MAP4K4: variants seen among roughly 807,000 people sequenced by gnomAD.
MAP4K4 encodes mitogen-activated protein kinase kinase kinase kinase 4, also known as HPK/GCK-like kinase HGK.
Under a neutral mutation model 189.6 loss-of-function variants are expected in MAP4K4, and 38 were observed. The observed-to-expected ratio is 0.20, with a 90% CI of 0.15 to 0.26. MAP4K4 has a LOEUF of 0.26. Among genes scored for constraint, MAP4K4 ranks in the 10% least tolerant of loss-of-function variants. The probability of loss-of-function intolerance (pLI) is 1.00; values close to 1 mark genes in which losing one functional copy is unlikely to be tolerated. For synonymous variants in MAP4K4, 610 were observed against 624.3 expected (o/e 0.98, Z 0.34); for missense variants, 1,054 against 1,726.9 (o/e 0.61, Z 6.91).
chr2:101,835,013 C>T (rs932411802), intron 8 of MAP4K4, among the ~76,000 whole-genome samples: 12 of 152,076 alleles, frequency 7.9e-5, no homozygotes, highest in African/African-American at 2.4e-4. Flanking sequence ...TGCTGGTCCC[C>T]ATTAAAAAAG....
At chr2:101,810,278 T>G (rs891749460) in intron 3 of MAP4K4, among the ~76,000 whole-genome samples, 1 of 151,762 alleles carries the variant, frequency 6.6e-6, no homozygotes, top group African/African-American at 2.4e-5. Context: ...ATAGAGAAGA[T>G]TCCATAGTAC....
At chr2:101,892,628 T>G in exon 33 of MAP4K4, 1 of 307,366 alleles carries the variant, frequency 3.3e-6, no homozygotes, top group South Asian at 2.7e-5. Flanking sequence ...AAAACTATTT[T>G]AAGAATGTAG....
intron 3 of MAP4K4, among the ~76,000 whole-genome samples, chr2:101,792,705 T>A (rs569228876): frequency 2.0e-5 from 3 of 151,884 alleles, no homozygotes; most frequent in East Asian, 3.9e-4. Context: ...GTGCAATCTC[T>A]GCTCATTGCA....
At chr2:101,746,266 T>C (rs1263664765) in intron 2 of MAP4K4, among the ~76,000 whole-genome samples, 2 of 151,314 alleles carry the variant, frequency 1.3e-5, no homozygotes, top group African/African-American at 4.9e-5. Flanking sequence ...TGATTGCAAG[T>C]GTGAGCCACT....
Position 101,724,226 on chromosome 2 carries a change from C to T in MAP4K4, c.123+25688C>T, listed in dbSNP as rs757896657. ...TGCAATGTCCTGTGCACTTGCTTGC[C>T]AGGTTCTGGACACTGGAACAACCTA... On this transcript the variant is annotated intron_variant, in intron 2 of 32. Coordinates refer to ENST00000324219, the Ensembl canonical transcript of MAP4K4. Among the ~76,000 whole-genome samples the T allele has an allele frequency of 1.2e-3, 185 of 152,284 alleles. 1 individual carries two copies. Among genetic ancestry groups the T allele is most frequent in the Admixed American group, 2.2e-3 (34 of 15,292 alleles).
chr2:101,700,534 A>G (rs2037824843), intron 2 of MAP4K4, among the ~76,000 whole-genome samples: 1 of 152,188 alleles, frequency 6.6e-6, no homozygotes, highest in South Asian at 2.1e-4. Flanking sequence ...TTACATTTTT[A>G]TATTATTATG....
intron 2 of MAP4K4, among the ~76,000 whole-genome samples, chr2:101,778,844 G>A (rs2085750865): frequency 6.6e-6 from 1 of 152,134 alleles, no homozygotes; most frequent in Admixed American, 6.5e-5. Context: ...TCTGTGGCCG[G>A]TAAGGAAAAG....
intron 2 of MAP4K4, among the ~76,000 whole-genome samples, chr2:101,742,060 A>G (rs1430235086): frequency 1.3e-5 from 2 of 152,170 alleles, no homozygotes; most frequent in Non-Finnish European, 2.9e-5. Context: ...GCTGTTGTCA[A>G]GAGCACAGGA....
At chr2:101,775,818 A>T (rs2083792936) in intron 2 of MAP4K4, among the ~76,000 whole-genome samples, 1 of 152,132 alleles carries the variant, frequency 6.6e-6, no homozygotes, top group South Asian at 2.1e-4. Flanking sequence ...TGATAGCTTA[A>T]TGTGGTCAGG....
At chr2:101,802,333 G>A (rs1428299134) in intron 3 of MAP4K4, among the ~76,000 whole-genome samples, 1 of 152,178 alleles carries the variant, frequency 6.6e-6, no homozygotes, top group Admixed American at 6.5e-5. Flanking sequence ...GCTGACTGAA[G>A]CTTGGGAAAC....
At chr2:101,734,906 T>C (rs151138795) in intron 2 of MAP4K4, among the ~76,000 whole-genome samples, 104 of 152,240 alleles carry the variant, frequency 6.8e-4, no homozygotes, top group African/African-American at 2.3e-3. Flanking sequence ...CATCTAAGAC[T>C]CTTAGAACAG....
At chr2:101,866,289 G>A (rs993322997) in intron 18 of MAP4K4, 139 bp from the exon 19 acceptor site, 4 of 646,170 alleles carry the variant, frequency 6.2e-6, no homozygotes, top group African/African-American at 1.8e-5. Context: ...TGAATTTAAT[G>A]TTGAGTGCTG....
exon 1 of MAP4K4, chr2:101,697,882 C>T: frequency 6.7e-6 from 1 of 150,354 alleles, no homozygotes. Flanking sequence ...GCCCTCCGCG[C>T]GGCCCGGCCG....
chr2:101,741,122 C>T (rs544033109), intron 2 of MAP4K4, among the ~76,000 whole-genome samples: 62 of 151,624 alleles, frequency 4.1e-4, no homozygotes, highest in South Asian at 2.1e-3. Context: ...GAAATTTTGA[C>T]CCTCTTTTGC....
intron 2 of MAP4K4, among the ~76,000 whole-genome samples, chr2:101,705,766 T>C (rs2042003164): frequency 6.6e-6 from 1 of 152,226 alleles, no homozygotes; most frequent in African/African-American, 2.4e-5. Flanking sequence ...ATTGAATTTG[T>C]AGCAGGGCTC....
At chr2:101,833,135 A>T (rs989054271) in intron 7 of MAP4K4, among the ~76,000 whole-genome samples, 3 of 152,162 alleles carry the variant, frequency 2.0e-5, no homozygotes, top group Non-Finnish European at 4.4e-5. Context: ...GGGAGGAATG[A>T]TAGGTCTCTC....
chr2:101,811,329 G>A (rs951097907), intron 3 of MAP4K4, among the ~76,000 whole-genome samples: 9 of 123,860 alleles, frequency 7.3e-5, no homozygotes, highest in Admixed American at 4.2e-4. Context: ...CGAGATTTGC[G>A]CCACTGCATT....
intron 2 of MAP4K4, among the ~76,000 whole-genome samples, chr2:101,739,034 A>G (rs1431705338): frequency 2.0e-5 from 3 of 152,086 alleles, no homozygotes; most frequent in Non-Finnish European, 4.4e-5. Flanking sequence ...CATTCGTTTT[A>G]TTCTTTTTAG....
At chr2:101,710,132 C>T (rs2044592975) in intron 2 of MAP4K4, among the ~76,000 whole-genome samples, 1 of 152,102 alleles carries the variant, frequency 6.6e-6, no homozygotes, top group Non-Finnish European at 1.5e-5. Context: ...TGAGTTAGGG[C>T]TGTGCATCAA....
Sources: allele counts gnomAD v4.1 joint callset (sites outside exome capture counted in the v4.1 genomes callset), GRCh38; gene constraint gnomAD v4.1.1; transcripts MANE v1.5; gene names NCBI Gene and HGNC (gene_info 2026-07-23, HGNC 2026-07-21).